The following TSNAXIP1 variants were observed in gnomAD, a reference collection of about 807,000 sequenced individuals.
TSNAXIP1 encodes the protein translin-associated factor X-interacting protein 1.
In TSNAXIP1, 89 loss-of-function variants were observed where a neutral mutation model predicts 84.8. That is an observed-to-expected ratio of 1.05 (90% CI 0.88 to 1.25). The LOEUF (loss-of-function observed/expected upper bound fraction) is 1.25, where lower values mean the gene tolerates loss of function less well. Among genes scored for constraint, TSNAXIP1 ranks in the 50% most tolerant of loss-of-function variants. The pLI is 0.00. For synonymous variants in TSNAXIP1, 347 were observed against 335.2 expected (o/e 1.04, Z -0.39); for missense variants, 874 against 887.6 (o/e 0.98, Z 0.20).
At position 67,825,211 on chromosome 16, in the gene TSNAXIP1, C is replaced by A; in HGVS notation, c.753C>A (p.Leu251=). Residue 251 remains leucine (L), a synonymous_variant, in exon 7 of 16, where the codon CTC becomes CTA. Coordinates refer to ENST00000561639, the MANE Select transcript of TSNAXIP1 (RefSeq NM_001288990.3). ...GTGAGCGAGATGCCTGTAAGATCCT[C>A]ATCGCAGACCTGAATGAGCTGCGGT... ...YLSERDACKI[L]IADLNELRYQ... 1 of 1,614,192 alleles carries A rather than the reference C, an allele frequency of 6.2e-7. No individual in the cohort carries two copies. Among genetic ancestry groups the A allele is most frequent in the South Asian group, 1.1e-5 (1 of 91,084 alleles).
At position 67,819,815 on chromosome 16, in the gene TSNAXIP1, A is replaced by ATTTTTTTTTTTTTTTTTTT. The variant is rs1162375778; in HGVS notation, c.148-1020_148-1002dup. Among the ~76,000 whole-genome samples, 7 of 102,640 alleles carry ATTTTTTTTTTTTTTTTTTT rather than the reference A, an allele frequency of 6.8e-5. 1 individual carries two copies. Among genetic ancestry groups the ATTTTTTTTTTTTTTTTTTT allele is most frequent in the African/African-American group, 1.3e-4 (3 of 23,828 alleles). 67.3% of individuals were successfully genotyped at this position (102,640 alleles called of 152,430 possible). On this transcript the variant is annotated intron_variant, in intron 2 of 15. Coordinates refer to ENST00000561639, the MANE Select transcript of TSNAXIP1 (RefSeq NM_001288990.3). ...AGCACATGCCACCACACCTGGCTAA[A>ATTTTTTTTTTTTTTTTTTT]TTTTTTTTTTTTTTTTTTTTTTGAG...
rs1333884511 is a variant in TSNAXIP1, at chr16:67,806,992, A to C, written c.-158A>C. ...CAGTCCACCTTTGCTACTTTGTCCT[A>C]CTCCCAGCCCGCGGGCGCTAGGCTC... On this transcript the variant is annotated 5_prime_UTR_variant, in exon 1 of 16. Transcript: ENST00000561639. The C allele has an allele frequency of 1.1e-5, 14 of 1,220,234 alleles. No homozygotes were observed. In the South Asian group the frequency reaches 2.2e-4, roughly 19 times the overall value. The allele number at this position is 1,220,234 out of a possible 1,614,324, so 75.6% of individuals were successfully genotyped here.
Position 67,825,213 on chromosome 16 carries a change from T to C in TSNAXIP1, c.755T>C (p.Ile252Thr). The C allele has an allele frequency of 6.2e-7, 1 of 1,614,184 alleles. No homozygotes were observed. The highest frequency in any genetic ancestry group is 1.3e-5 in the African/African-American group (1 of 75,054). Residue 252 changes from isoleucine to threonine, a missense_variant, in exon 7 of 16, where the codon ATC (isoleucine) becomes ACC (threonine). Coordinates refer to ENST00000561639, the MANE Select transcript of TSNAXIP1 (RefSeq NM_001288990.3). ...GAGCGAGATGCCTGTAAGATCCTCA[T>C]CGCAGACCTGAATGAGCTGCGGTAC... ...LSERDACKIL[I>T]ADLNELRYQR... is the part of the protein sequence containing the mutation.
At chr16:67,826,886 CTT>C in intron 12 of TSNAXIP1, 42 bp downstream of exon 12, 1 of 1,611,904 alleles carries the variant, frequency 6.2e-7, no homozygotes, top group Non-Finnish European at 8.5e-7. Flanking sequence ...TGAGAGGGGT[CTT>C]TGTCCCTAGC....
At chr16:67,814,810 C>T (rs1168527489) in intron 2 of TSNAXIP1, among the ~76,000 whole-genome samples, 1 of 152,144 alleles carries the variant, frequency 6.6e-6, no homozygotes, top group Non-Finnish European at 1.5e-5. Flanking sequence ...CTGTATCTTT[C>T]TATCTTTATG....
At chr16:67,812,179 G>C (rs186672339) in intron 1 of TSNAXIP1, among the ~76,000 whole-genome samples, 1 of 149,158 alleles carries the variant, frequency 6.7e-6, no homozygotes, top group African/African-American at 2.6e-5. Context: ...CCACCCCATG[G>C]ATTGTTGGAA....
rs1368939056 is a variant in TSNAXIP1 at position 67,826,426 on chromosome 16, C to T, written c.1276-11C>T. ...ATGGGTCCAGAGATGAGCTGATATC[C>T]TCCCTCCTAGGGCTATGGGGAAGCC... On this transcript the variant is annotated splice_polypyrimidine_tract_variant and intron_variant, in intron 10 of 15. Transcript: ENST00000561639. The T allele has an allele frequency of 1.2e-6, 2 of 1,613,212 alleles. No individual in the cohort carries two copies. Among genetic ancestry groups the T allele is most frequent in the Non-Finnish European group, 8.5e-7 (1 of 1,179,974 alleles).
rs538275586 is a variant in TSNAXIP1 at position 67,810,210 on chromosome 16, G to A, written c.47+3014G>A. ...CTGGGGCAGGTTTCTCCTCCCTATC[G>A]GCTTTTCTCCTTTCACCCTCATAAC... On this transcript the variant is annotated intron_variant, in intron 1 of 15. Coordinates refer to ENST00000561639, the MANE Select transcript of TSNAXIP1 (RefSeq NM_001288990.3). Among the ~76,000 whole-genome samples, 11 of 152,164 alleles carry A rather than the reference G, an allele frequency of 7.2e-5. No individual in the cohort carries two copies. In the South Asian group the frequency reaches 1.5e-3, roughly 20 times the overall value.
intron 4 of TSNAXIP1, among the ~76,000 whole-genome samples, chr16:67,823,425 C>A (rs1365204690): frequency 1.3e-5 from 2 of 152,186 alleles, no homozygotes; most frequent in East Asian, 3.9e-4. Context: ...TGCCTGTAAT[C>A]CCAGCTACTC....
At position 67,821,126 on chromosome 16, in the gene TSNAXIP1, T is replaced by A; in HGVS notation, c.288T>A (p.Thr96=). ...GCTGCCAGCAGCACCCCTTTCGCAC[T>A]GCCAAGCCCCAGTACTTGGAGGAAC... ...VGSCQQHPFR[T]AKPQYLEELE... is the part of the protein sequence containing the mutation. Residue 96 remains threonine (T), a synonymous_variant, in exon 4 of 16, where the codon ACT becomes ACA. Coordinates refer to ENST00000561639, the MANE Select transcript of TSNAXIP1 (RefSeq NM_001288990.3). 1 of 1,613,080 alleles carries A rather than the reference T, an allele frequency of 6.2e-7. No individual in the cohort carries two copies. The highest frequency in any genetic ancestry group is 8.5e-7 in the Non-Finnish European group (1 of 1,179,634).
chr16:67,825,503 G>T (rs951026840), intron 7 of TSNAXIP1, among the ~76,000 whole-genome samples, 164 bp from the exon 8 acceptor site: 1 of 152,190 alleles, frequency 6.6e-6, no homozygotes, highest in African/African-American at 2.4e-5. Flanking sequence ...GGCTGGACAG[G>T]CCTGGTACTC....
chr16:67,807,063 T>A lies in TSNAXIP1; in HGVS notation c.-87T>A. On this transcript the variant is annotated 5_prime_UTR_variant, in exon 1 of 16. Transcript: ENST00000561639. ...ACTCCGCCCCCGCCGCGGGGGGGCC[T>A]CTGGGGCCTGGTCGCCATGGCGACC... 1 of 1,507,242 alleles carries A rather than the reference T, an allele frequency of 6.6e-7. No individual in the cohort carries two copies. Among genetic ancestry groups the A allele is most frequent in the Non-Finnish European group, 8.8e-7 (1 of 1,130,792 alleles). 93.4% of individuals were successfully genotyped at this position (1,507,242 alleles called of 1,614,324 possible). A position where few individuals can be genotyped will look rare whatever the true frequency, so the allele number is the denominator to read the frequency against.
rs2057386960 is a variant in TSNAXIP1, at chr16:67,825,731, C to G, written c.879C>G (p.Thr293=). Residue 293 remains threonine (T), a synonymous_variant, in exon 8 of 16, where the codon ACC becomes ACG. Coordinates refer to ENST00000561639, the MANE Select transcript of TSNAXIP1 (RefSeq NM_001288990.3). ...TTAAGATGACCCGGCAAGACCTGACCCGCACGCAGATGGAACTCAACAACA... is the reference window on the plus strand; with the variant it reads ...TTAAGATGACCCGGCAAGACCTGACGCGCACGCAGATGGAACTCAACAACA... ...LALKMTRQDL[T]RTQMELNNMK... is the part of the protein sequence containing the mutation. 1 of 1,614,040 alleles carries G rather than the reference C, an allele frequency of 6.2e-7. No individual in the cohort carries two copies. The highest frequency in any genetic ancestry group is 1.7e-5 in the Admixed American group (1 of 59,996).
chr16:67,818,701 TC>T, intron 2 of TSNAXIP1, among the ~76,000 whole-genome samples: 1 of 148,502 alleles, frequency 6.7e-6, no homozygotes, highest in East Asian at 2.0e-4. Context: ...TGAGACCCCA[TC>T]CTTTTTTTTT....
rs761370929 is a variant in TSNAXIP1 at position 67,825,232 on chromosome 16, G to T, written c.774G>T (p.Leu258=). The T allele has an allele frequency of 1.2e-6, 2 of 1,614,196 alleles. No individual in the cohort carries two copies. The highest frequency in any genetic ancestry group is 2.2e-5 in the South Asian group (2 of 91,092). The change falls in exon 7 of 16, where the codon CTG becomes CTT. Residue 258 remains leucine, a synonymous_variant. Transcript: ENST00000561639. ...CKILIADLNE[L]RYQREDMSLA... is the part of the protein sequence containing the mutation. ...TCCTCATCGCAGACCTGAATGAGCT[G>T]CGGTACCAGCGGGAGGACATGTCAT...
intron 2 of TSNAXIP1, among the ~76,000 whole-genome samples, chr16:67,819,924 T>C (rs1178600302): frequency 6.6e-6 from 1 of 151,156 alleles, no homozygotes; most frequent in Non-Finnish European, 1.5e-5. Flanking sequence ...GTTCATGCCA[T>C]TCTCCTGCCT....
At chr16:67,814,789 C>G (rs2056405588) in intron 2 of TSNAXIP1, among the ~76,000 whole-genome samples, 1 of 152,182 alleles carries the variant, frequency 6.6e-6, no homozygotes, top group African/African-American at 2.4e-5. Context: ...CAAGGTCCTT[C>G]ATGGCTGTGA....
chr16:67,827,786 GGGC>G lies in TSNAXIP1; in HGVS notation c.1933_1935del (p.Gly645del), dbSNP rs1567785151. 6.2e-7 allele frequency: 1 copy of G among 1,614,104 alleles called. No individual in the cohort carries two copies. Among genetic ancestry groups the G allele is most frequent in the Admixed American group, 1.7e-5 (1 of 60,002 alleles). On this transcript the variant is annotated inframe_deletion, in exon 16 of 16. Transcript: ENST00000561639. ...AAGTGACTCTGCCCAAGCTGCGAGG[GGGC>G]CTGATGACCATCGACCCCAGCCTGG...
chr16:67,807,536 C>G (rs1378958841), intron 1 of TSNAXIP1: 2 of 603,070 alleles, frequency 3.3e-6, no homozygotes, highest in South Asian at 3.7e-5. Flanking sequence ...ACTACTACGG[C>G]TCACTGCAGC....
Sources: allele counts gnomAD v4.1 joint callset (sites outside exome capture counted in the v4.1 genomes callset), GRCh38; gene constraint gnomAD v4.1.1; transcripts MANE v1.5; gene names NCBI Gene and HGNC (gene_info 2026-07-23, HGNC 2026-07-21).